Variants in CACNA1D observed in about 807,000 individuals in gnomAD.
The protein encoded by CACNA1D is calcium voltage-gated channel subunit alpha1 D, also known as voltage-dependent L-type calcium channel subunit alpha-1D.
CACNA1D carries 55 observed loss-of-function variants against 257.1 expected under a neutral mutation model. That is an observed-to-expected ratio of 0.21 (90% CI 0.17 to 0.27). The LOEUF (loss-of-function observed/expected upper bound fraction) is 0.27, where lower values mean the gene tolerates loss of function less well. Among genes scored for constraint, CACNA1D ranks in the 10% least tolerant of loss-of-function variants. The probability of loss-of-function intolerance (pLI) is 1.00; values close to 1 mark genes in which losing one functional copy is unlikely to be tolerated. For missense variants in CACNA1D, 1,876 were observed against 2,784.0 expected (o/e 0.67, Z 7.34); for synonymous variants, 980 against 1,014.9 (o/e 0.97, Z 0.65).
In CACNA1D at chr3:53,702,798, G is replaced by A. The variant is rs35874056; in HGVS notation, c.1378G>A (p.Gly460Ser). 856 of 1,614,094 alleles carry A rather than the reference G, an allele frequency of 5.3e-4. No homozygotes were observed. The highest frequency in any genetic ancestry group is 6.3e-4 in the Non-Finnish European group (746 of 1,180,040). Residue 460 changes from glycine to serine, a missense_variant, in exon 9 of 48, where the codon GGC (glycine) becomes AGC (serine). Transcript: ENST00000350061. ...GAATGAGGAAGAAGGAGGAGAGGAA[G>A]GCAAACGAAATAGTATGTAGCGCCT... The part of the protein sequence containing the change: ...PENEEEGGEE[G>S]KRNTSMPTSE...
chr3:53,740,363 A>C (rs1165605055), intron 21 of CACNA1D, 24 bp downstream of exon 21: 1 of 1,484,574 alleles, frequency 6.7e-7, no homozygotes, highest in Admixed American at 1.7e-5. Flanking sequence ...CTTGATCTTC[A>C]CATACTCCAC....
chr3:53,570,748 G>A (rs1275290483), intron 3 of CACNA1D, among the ~76,000 whole-genome samples: 4 of 152,194 alleles, frequency 2.6e-5, no homozygotes, highest in South Asian at 4.1e-4. Flanking sequence ...ACAGTCTAAC[G>A]CATATCACTC....
At chr3:53,613,756 C>T (rs962838730) in intron 3 of CACNA1D, among the ~76,000 whole-genome samples, 1 of 151,960 alleles carries the variant, frequency 6.6e-6, no homozygotes, top group Non-Finnish European at 1.5e-5. Flanking sequence ...AGAACTGTCA[C>T]TTTCTGACAC....
chr3:53,766,953 C>T (rs771098619), intron 30 of CACNA1D, among the ~76,000 whole-genome samples: 1 of 152,160 alleles, frequency 6.6e-6, no homozygotes, highest in South Asian at 2.1e-4. Context: ...ATAGCGTAGC[C>T]CACTTGCGTT....
chr3:53,555,458 GTGTTTTTT>G (rs1184487819), intron 3 of CACNA1D, among the ~76,000 whole-genome samples: 27 of 109,212 alleles, frequency 2.5e-4, no homozygotes, highest in African/African-American at 1.3e-3. Flanking sequence ...GTGTGTGTGT[GTGTTTTTT>G]TTTTTTTTTT....
At position 53,743,847 on chromosome 3, in the gene CACNA1D, A is replaced by G. The variant is rs149182376; in HGVS notation, c.2918+730A>G. ...CACACCTGCCCTCTAAGCTAAAGAG[A>G]AGTGGAAAGGACCTGCCCTCCTAGG... On this transcript the variant is annotated intron_variant, in intron 22 of 47. Coordinates refer to ENST00000350061, the MANE Select transcript of CACNA1D (RefSeq NM_001128840.3). Among the ~76,000 whole-genome samples the G allele has an allele frequency of 1.9e-4, 29 of 152,156 alleles. 1 individual carries two copies. The highest frequency in any genetic ancestry group is 7.0e-4 in the African/African-American group (29 of 41,516).
intron 10 of CACNA1D, 87 bp from the exon 11 acceptor site, chr3:53,719,668 C>T: frequency 4.0e-6 from 5 of 1,249,720 alleles, no homozygotes; most frequent in Non-Finnish European, 5.9e-6. Flanking sequence ...GTATGCATGG[C>T]TTTTATGATA....
chr3:53,714,736 A>G (rs946244367), intron 9 of CACNA1D, among the ~76,000 whole-genome samples: 3 of 152,134 alleles, frequency 2.0e-5, no homozygotes, highest in African/African-American at 7.2e-5. Flanking sequence ...GTTAGGAGAG[A>G]TTTCTCAGTG....
chr3:53,805,196 C>CCT (rs1194266870), intron 45 of CACNA1D, 50 bp downstream of exon 45: 4 of 1,571,690 alleles, frequency 2.5e-6, no homozygotes, highest in Non-Finnish European at 3.5e-6. Flanking sequence ...GAACAGTGTA[C>CCT]CTCTCCCCCA....
At chr3:53,501,845 T>A (rs1297952199) in intron 3 of CACNA1D, 125 bp downstream of exon 3, 1 of 681,224 alleles carries the variant, frequency 1.5e-6, no homozygotes, top group African/African-American at 1.8e-5. Flanking sequence ...TTCTTGGAGC[T>A]TTGCAACAGT....
intron 25 of CACNA1D, among the ~76,000 whole-genome samples, chr3:53,746,431 C>T (rs1191641412): frequency 1.3e-5 from 2 of 152,298 alleles, no homozygotes; most frequent in African/African-American, 4.8e-5. Context: ...GATATTCATG[C>T]CTCCCATTCC....
intron 8 of CACNA1D, among the ~76,000 whole-genome samples, chr3:53,691,731 T>C (rs1440557438): frequency 2.4e-5 from 1 of 42,314 alleles, no homozygotes; most frequent in African/African-American, 9.5e-5. Flanking sequence ...ACATATATAA[T>C]ATATATATTA....
At chr3:53,659,698 G>T (rs780304069) in intron 4 of CACNA1D, among the ~76,000 whole-genome samples, 1 of 152,184 alleles carries the variant, frequency 6.6e-6, no homozygotes, top group Non-Finnish European at 1.5e-5. Flanking sequence ...TTGTTTTCTC[G>T]TGTGTAACAT....
At position 53,673,535 on chromosome 3, in the gene CACNA1D, C is replaced by T. The variant is rs2094345555; in HGVS notation, c.1220+409C>T. On this transcript the variant is annotated intron_variant, in intron 8 of 47. Transcript: ENST00000350061. This position sits in a 1 kb window ranked among gnomAD's most constrained non-coding sequence, Gnocchi z 4.1. ...TTTGGTAGTCCCCATTTGTAGATTT[C>T]AGCCGCTGAGCTTGTCCTTATTTGC... is the stretch of plus-strand genomic sequence containing the variant. 6.7e-6 allele frequency among the ~76,000 whole-genome samples: 1 copy of T among 148,242 alleles called. No homozygotes were observed. Among genetic ancestry groups the T allele is most frequent in the Non-Finnish European group, 1.5e-5 (1 of 67,556 alleles).
chr3:53,668,185 G>A lies in CACNA1D; in HGVS notation c.1116+1650G>A, dbSNP rs1192140788. On this transcript the variant is annotated intron_variant, in intron 7 of 47. Coordinates refer to ENST00000350061, the MANE Select transcript of CACNA1D (RefSeq NM_001128840.3). ...AAAATCTGTGACTCTTCTCAGCTTT[G>A]TTTTTCTCTCTATTGACATGGTGAA... is the stretch of plus-strand genomic sequence containing the variant. 2.0e-5 allele frequency among the ~76,000 whole-genome samples: 3 copies of A among 152,074 alleles called. No homozygotes were observed. The East Asian group carries it at 5.8e-4, about 29-fold the overall frequency.
intron 3 of CACNA1D, among the ~76,000 whole-genome samples, chr3:53,590,870 G>T (rs571257523): frequency 6.6e-6 from 1 of 152,210 alleles, no homozygotes; most frequent in Non-Finnish European, 1.5e-5. Context: ...AACATCTGCT[G>T]CTGTTAGTGT....
chr3:53,779,775 C>T (rs2095416444), intron 37 of CACNA1D, among the ~76,000 whole-genome samples: 1 of 152,194 alleles, frequency 6.6e-6, no homozygotes, highest in Non-Finnish European at 1.5e-5. Flanking sequence ...TACCAATTCA[C>T]ATGCTAATCT....
At chr3:53,496,087 C>G (rs1011373301) in intron 1 of CACNA1D, among the ~76,000 whole-genome samples, 2 of 152,260 alleles carry the variant, frequency 1.3e-5, no homozygotes, top group African/African-American at 2.4e-5. Flanking sequence ...CCGCTTTGCC[C>G]TCTTCTCAGG....
At chr3:53,736,745 G>A (rs1209581583) in intron 20 of CACNA1D, among the ~76,000 whole-genome samples, 1 of 152,028 alleles carries the variant, frequency 6.6e-6, no homozygotes, top group Non-Finnish European at 1.5e-5. Context: ...TTAAAAATTA[G>A]CCACACGTAT....
Sources: allele counts gnomAD v4.1 joint callset (sites outside exome capture counted in the v4.1 genomes callset), GRCh38; gene constraint gnomAD v4.1.1; non-coding constraint Gnocchi (gnomAD v3.1); transcripts MANE v1.5; gene names NCBI Gene and HGNC (gene_info 2026-07-23, HGNC 2026-07-21).